The following PAPOLA variants were observed in gnomAD, a reference collection of about 807,000 sequenced individuals.
PAPOLA encodes polynucleotide adenylyltransferase alpha.
Under a neutral mutation model 100.6 loss-of-function variants are expected in PAPOLA, and 15 were observed. That is an observed-to-expected ratio of 0.15 (90% CI 0.10 to 0.23). The LOEUF (loss-of-function observed/expected upper bound fraction) is 0.23. Ranked by LOEUF, PAPOLA falls within the 10% of genes least tolerant of loss-of-function variation. PAPOLA has a pLI of 1.00. For synonymous variants in PAPOLA, 293 were observed against 300.0 expected, an observed-to-expected ratio of 0.98 and a Z score of 0.24; for missense variants, 533 against 884.2, an observed-to-expected ratio of 0.60 and a Z score of 5.04.
chr14:96,534,120 T>A (rs1284572419), intron 9 of PAPOLA: 1 of 1,013,674 alleles, frequency 9.9e-7, no homozygotes, highest in Non-Finnish European at 1.2e-6. Context: ...ATCACTTGAC[T>A]TTGGATGGAA....
intron 15 of PAPOLA, 57 bp downstream of exon 15, chr14:96,544,315 TTGA>T: frequency 1.2e-6 from 1 of 800,746 alleles, no homozygotes. Context: ...TCAAATTGTC[TTGA>T]TGCATACCAT....
In PAPOLA at chr14:96,544,458, A is replaced by AT. The variant is rs547628123; in HGVS notation, c.1399+206dup. On this transcript the variant is annotated intron_variant, in intron 15 of 21. Coordinates refer to ENST00000216277, the MANE Select transcript of PAPOLA (RefSeq NM_032632.5). ...ATGCTTGGGACCAGAAGTGTTTAGG[A>AT]TTTTTTCAGATTTTGGAATATTTAC... Among the ~76,000 whole-genome samples the AT allele has an allele frequency of 2.0e-4, 30 of 152,056 alleles. No individual in the cohort carries two copies. The South Asian group carries it at 6.0e-3, about 30-fold the overall frequency.
At chr14:96,536,710 G>GT (rs1222012958) in intron 11 of PAPOLA, among the ~76,000 whole-genome samples, 2 of 151,758 alleles carry the variant, frequency 1.3e-5, no homozygotes, top group Non-Finnish European at 2.9e-5. Flanking sequence ...TAACTGGAGT[G>GT]TTTAAGAAAG....
intron 1 of PAPOLA, among the ~76,000 whole-genome samples, chr14:96,514,478 G>A (rs546517733): frequency 7.2e-5 from 11 of 152,282 alleles, no homozygotes; most frequent in Admixed American, 2.0e-4. Flanking sequence ...ACCACGCCCA[G>A]CCTATTTGCA....
chr14:96,547,975 A>G lies in PAPOLA; in HGVS notation c.1521+57A>G, dbSNP rs185729864. 5 of 1,391,530 alleles carry G rather than the reference A, an allele frequency of 3.6e-6. No individual in the cohort carries two copies. In the Admixed American group the frequency reaches 6.8e-5, roughly 19 times the overall value. The allele number at this position is 1,391,530 out of a possible 1,614,324, so 86.2% of individuals were successfully genotyped here. A position where few individuals can be genotyped will look rare whatever the true frequency, so the allele number is the denominator to read the frequency against. On this transcript the variant is annotated intron_variant, in intron 16 of 21. Coordinates refer to ENST00000216277, the MANE Select transcript of PAPOLA (RefSeq NM_032632.5). ...CTAACATAATGTTTTATGCATCTGG[A>G]CTATCATTATTTCAGAATTTAGGCT... is the stretch of plus-strand genomic sequence containing the variant.
intron 16 of PAPOLA, among the ~76,000 whole-genome samples, chr14:96,548,598 AAAAT>A (rs1402517373): frequency 6.6e-6 from 1 of 152,220 alleles, no homozygotes; most frequent in Non-Finnish European, 1.5e-5. Flanking sequence ...TGCAGCAGTG[AAAAT>A]AAATGAACTA....
chr14:96,515,652 A>G (rs371954605), intron 1 of PAPOLA, among the ~76,000 whole-genome samples: 4 of 152,356 alleles, frequency 2.6e-5, no homozygotes, highest in East Asian at 3.9e-4. Flanking sequence ...GAAGGTAAAT[A>G]TTAATTATGT....
intron 1 of PAPOLA, among the ~76,000 whole-genome samples, chr14:96,510,855 T>G (rs766373633): frequency 3.9e-5 from 6 of 152,260 alleles, no homozygotes; most frequent in Non-Finnish European, 7.3e-5. Context: ...ATCTTGCCTG[T>G]AAGCTACTAT....
chr14:96,533,548 T>G, intron 9 of PAPOLA: 1 of 240,774 alleles, frequency 4.2e-6, no homozygotes. Context: ...CAGAATTTCT[T>G]TTTTTTTTTT....
intron 1 of PAPOLA, among the ~76,000 whole-genome samples, chr14:96,510,193 G>C (rs1025060319): frequency 6.6e-6 from 1 of 151,836 alleles, no homozygotes; most frequent in Non-Finnish European, 1.5e-5. Flanking sequence ...TAATTTTGAG[G>C]TTGATCAAGA....
chr14:96,538,356 AACCTT>A (rs1899707143), intron 12 of PAPOLA, among the ~76,000 whole-genome samples: 2 of 152,044 alleles, frequency 1.3e-5, no homozygotes, highest in Non-Finnish European at 2.9e-5. Context: ...ACACTGAACA[AACCTT>A]AATAATGTCA....
intron 1 of PAPOLA, among the ~76,000 whole-genome samples, chr14:96,503,377 T>C (rs1435697899): frequency 1.3e-5 from 2 of 152,182 alleles, no homozygotes; most frequent in African/African-American, 4.8e-5. Flanking sequence ...GTTGTAAGGC[T>C]TGAAGCTAGT....
intron 9 of PAPOLA, chr14:96,533,353 C>T (rs772648765): frequency 3.4e-5 from 33 of 982,484 alleles, no homozygotes; most frequent in Non-Finnish European, 3.9e-5. Context: ...GCTCCTCCCT[C>T]TGCAAAAGAG....
intron 19 of PAPOLA, among the ~76,000 whole-genome samples, chr14:96,557,985 A>G (rs937273179): frequency 2.0e-5 from 3 of 151,956 alleles, no homozygotes; most frequent in Admixed American, 6.6e-5. Context: ...TTTTTGATCC[A>G]TGGTTGGTTG....
intron 3 of PAPOLA, among the ~76,000 whole-genome samples, chr14:96,521,766 G>T (rs914468131): frequency 6.6e-6 from 1 of 151,512 alleles, no homozygotes. Flanking sequence ...GGCGTGAGCC[G>T]CTGCCCGGCC....
intron 15 of PAPOLA, among the ~76,000 whole-genome samples, chr14:96,544,818 T>TG (rs1900260023): frequency 6.6e-6 from 1 of 152,078 alleles, no homozygotes; most frequent in Middle Eastern, 3.2e-3. Flanking sequence ...GCAGAACTTG[T>TG]GATGACCTGG....
intron 17 of PAPOLA, among the ~76,000 whole-genome samples, chr14:96,555,601 A>G (rs912498193): frequency 2.0e-5 from 3 of 152,204 alleles, no homozygotes; most frequent in Admixed American, 6.5e-5. Context: ...AGTAGCACAG[A>G]TATAGAACAT....
At position 96,547,926 on chromosome 14, in the gene PAPOLA, T is replaced by C. The variant is rs752894923; in HGVS notation, c.1521+8T>C. 1 of 1,594,784 alleles carries C rather than the reference T, an allele frequency of 6.3e-7. No homozygotes were observed. The highest frequency in any genetic ancestry group is 8.5e-7 in the Non-Finnish European group (1 of 1,170,608). ...CTTCAGAAAAAGAAAAAGGTAAATT[T>C]AGAAAGTACTTACAAAAGCATTACT... On this transcript the variant is annotated splice_region_variant and intron_variant, in intron 16 of 21. Coordinates refer to ENST00000216277, the MANE Select transcript of PAPOLA (RefSeq NM_032632.5).
intron 10 of PAPOLA, chr14:96,535,572 T>C: frequency 1.9e-6 from 2 of 1,028,452 alleles, no homozygotes; most frequent in Non-Finnish European, 2.3e-6. Context: ...ATTTCTGTTG[T>C]TGAATAAAGA....
Sources: gnomAD v4.1 joint callset for allele counts (sites outside exome capture counted in the v4.1 genomes callset) on GRCh38, gnomAD v4.1.1 for gene constraint, MANE v1.5 for transcripts, NCBI Gene and HGNC (gene_info 2026-07-23, HGNC 2026-07-21) for gene names.